TTN: variants seen among roughly 807,000 people sequenced by gnomAD.
The protein encoded by TTN is connectin.
TTN carries 1,525 observed loss-of-function variants against 3,223.0 expected under a neutral mutation model. The ratio of observed to expected loss-of-function variants is 0.47; its 90% CI spans 0.45 to 0.49. The LOEUF (loss-of-function observed/expected upper bound fraction) is 0.49, where lower values mean the gene tolerates loss of function less well. Among genes scored for constraint, TTN ranks in the 20% least tolerant of loss-of-function variants. The probability of loss-of-function intolerance (pLI) is 0.00; values close to 1 mark genes in which losing one functional copy is unlikely to be tolerated. For synonymous variants in TTN, 14,094 were observed against 15,161.0 expected, an observed-to-expected ratio of 0.93 and a Z score of 5.17; for missense variants, 40,786 against 43,424.0, an observed-to-expected ratio of 0.94 and a Z score of 5.40.
chr2:178,712,676 T>A, intron 94 of TTN, 21 bp downstream of exon 94: 2 of 1,609,434 alleles, frequency 1.2e-6, no homozygotes, highest in Non-Finnish European at 1.7e-6. Flanking sequence ...CGTATAAATC[T>A]AGAAGAGCAG....
rs1022888695 is a variant in TTN, at chr2:178,672,241, A to T, written c.34957T>A (p.Ser11653Thr). Reference protein sequence around the residue: ...KGRTVLEEKVSVAFRQEVVVK... With the variant: ...KGRTVLEEKVTVAFRQEVVVK... Reference sequence around the variant, plus strand: ...ACTACTTCTTGGCGGAAGGCAACTGATACTTTTTCTTCAAGGACAGTTCTC... The same window carrying T: ...ACTACTTCTTGGCGGAAGGCAACTGTTACTTTTTCTTCAAGGACAGTTCTC... Residue 11653 changes from serine (S) to threonine (T), a missense_variant, in exon 155 of 363, where the codon TCA becomes ACA. Coordinates refer to ENST00000589042, the MANE Select transcript of TTN (RefSeq NM_001267550.2). 1 of 1,571,596 alleles carries T rather than the reference A, an allele frequency of 6.4e-7. No individual in the cohort carries two copies. The highest frequency in any genetic ancestry group is 1.4e-5 in the African/African-American group (1 of 73,216).
rs1708692289 is a variant in TTN, at chr2:178,572,758, A to G, written c.73374T>C (p.Pro24458=). The G allele has an allele frequency of 6.2e-7, 1 of 1,613,356 alleles. No homozygotes were observed. Among genetic ancestry groups the G allele is most frequent in the Admixed American group, 1.7e-5 (1 of 59,978 alleles). The part of the protein sequence containing the change: ...LFVPIKGRPA[P]EVKWARDHGE... ...CATGGTCCCGGGCCCACTTCACCTC[A>G]GGTGCAGGCCTTCCTTTGATGGGAA... The change falls in exon 326 of 363, where the codon CCT becomes CCC. Residue 24458 remains proline, a synonymous_variant. Coordinates refer to ENST00000589042, the MANE Select transcript of TTN (RefSeq NM_001267550.2).
In TTN at chr2:178,714,139, T is replaced by G. The variant is rs2077106214; in HGVS notation, c.26519A>C (p.Lys8840Thr). 6.2e-7 allele frequency: 1 copy of G among 1,613,132 alleles called. No homozygotes were observed. The highest frequency in any genetic ancestry group is 1.3e-5 in the African/African-American group (1 of 74,870). Residue 8840 changes from lysine (K) to threonine (T), a missense_variant, in exon 92 of 363, where the codon AAA becomes ACA. By Grantham distance (78) the Lys-to-Thr change is moderately conservative (BLOSUM62 -1). Coordinates refer to ENST00000589042, the MANE Select transcript of TTN (RefSeq NM_001267550.2). ...GGTACAGGTGTCTCCCGTGGTAACTTTTATGGATTCTGGCTTTTCTACAAT... is the reference window on the plus strand; with the variant it reads ...GGTACAGGTGTCTCCCGTGGTAACTGTTATGGATTCTGGCTTTTCTACAAT... ...ATIVEKPESI[K>T]VTTGDTCTLE...
In TTN at chr2:178,616,729, C is replaced by A; in HGVS notation, c.48160G>T (p.Ala16054Ser). The A allele has an allele frequency of 6.2e-7, 1 of 1,612,292 alleles. No individual in the cohort carries two copies. Among genetic ancestry groups the A allele is most frequent in the Non-Finnish European group, 8.5e-7 (1 of 1,179,078 alleles). The change falls in exon 256 of 363, where the codon GCT becomes TCT. Residue 16054 changes from alanine to serine, a missense_variant and splice_region_variant. Transcript: ENST00000589042. ...ISGEIDVNVI[A>S]RPSAPKELKF... The stretch of plus-strand genomic sequence containing the variant: ...AGATGATAAATGTTTTGTTCCTTAC[C>A]AATTACATTGACATCAATTTCCCCA...
In TTN at chr2:178,561,281, A is replaced by G. The variant is rs1462392007; in HGVS notation, c.84851T>C (p.Ile28284Thr). ...TCTGCGTTCAACAATGTATCCTGTG[A>G]TCTTAGCTCCACCATCATAATGTGG... ...SKPHYDGGAK[I>T]TGYIVERREL... The change falls in exon 326 of 363, where the codon ATC (isoleucine) becomes ACC (threonine). Residue 28284 changes from isoleucine to threonine, a missense_variant. Ile to Thr is a moderately conservative substitution (Grantham distance 89). Coordinates refer to ENST00000589042, the MANE Select transcript of TTN (RefSeq NM_001267550.2). The G allele has an allele frequency of 6.2e-7, 1 of 1,613,756 alleles. No homozygotes were observed. The highest frequency in any genetic ancestry group is 1.3e-5 in the African/African-American group (1 of 75,008).
At chr2:178,736,121 A>C (rs776013874) in intron 49 of TTN, 47 bp from the exon 50 acceptor site, 1 of 1,478,510 alleles carries the variant, frequency 6.8e-7, no homozygotes, top group East Asian at 2.3e-5. Context: ...CCACCAAAGC[A>C]CTTGCTGTAA....
Position 178,683,246 on chromosome 2 carries a change from A to G in TTN, c.32852T>C (p.Ile10951Thr), listed in dbSNP as rs1456412833. The stretch of plus-strand genomic sequence containing the variant: ...TTGAGGTTCTCTTTTTGGAGCTTCA[A>G]TTGATACTTTTTCTTCTTTAACCAC... ...KRVVKEEKVS[I>T]EAPKREPQPI... The change falls in exon 134 of 363, where the codon ATT becomes ACT. Residue 10951 changes from isoleucine (I) to threonine (T), a missense_variant. By Grantham distance (89) the Ile-to-Thr change is moderately conservative. Coordinates refer to ENST00000589042, the MANE Select transcript of TTN (RefSeq NM_001267550.2). 21 of 1,552,616 alleles carry G rather than the reference A, an allele frequency of 1.4e-5. No individual in the cohort carries two copies. Among genetic ancestry groups the G allele is most frequent in the Non-Finnish European group, 1.8e-5 (21 of 1,146,154 alleles).
chr2:178,636,072 C>G lies in TTN; in HGVS notation c.41499G>C (p.Leu13833Phe), dbSNP rs1288508073. 2 of 1,613,150 alleles carry G rather than the reference C, an allele frequency of 1.2e-6. No homozygotes were observed. The highest frequency in any genetic ancestry group is 1.7e-6 in the Non-Finnish European group (2 of 1,179,530). The part of the protein sequence containing the change: ...PGRIVPGVIG[L>F]MRALTINDAD... ...CATCGTTGATGGTCAGAGCCCGCAT[C>G]AAGCCAATGACGCCTGGCACAATTC... The change falls in exon 226 of 363, where the codon TTG (leucine) becomes TTC (phenylalanine). Residue 13833 changes from leucine (L) to phenylalanine (F), a missense_variant. Physicochemically the swap from Leu to Phe is conservative, Grantham distance 22 (BLOSUM62 0). Transcript: ENST00000589042. This position sits in a 1 kb window ranked among gnomAD's most constrained non-coding sequence, Gnocchi z 4.3.
At chr2:178,604,577 C>T (rs1399432890) in intron 281 of TTN, 131 bp downstream of exon 281, 2 of 1,056,696 alleles carry the variant, frequency 1.9e-6, no homozygotes, top group East Asian at 2.6e-5. Context: ...CTAAACACTA[C>T]AATAACAAAA....
chr2:178,756,430 A>G lies in TTN; in HGVS notation c.11046T>C (p.Val3682=), dbSNP rs188269667. 11 of 1,613,828 alleles carry G rather than the reference A, an allele frequency of 6.8e-6. No individual in the cohort carries two copies. The highest frequency in any genetic ancestry group is 7.6e-6 in the Non-Finnish European group (9 of 1,179,812). The change falls in exon 46 of 363, where the codon GTT becomes GTC. Residue 3682 remains valine (V), a synonymous_variant. Coordinates refer to ENST00000589042, the MANE Select transcript of TTN (RefSeq NM_001267550.2). ...CATCAATGAAAGAATCATCTTTTAA[A>G]ACACAGAGGAATTGAGCCGTGTCAC... ...KCGDTAQFLC[V]LKDDSFIDVT...
At position 178,739,165 on chromosome 2, in the gene TTN, C is replaced by G; in HGVS notation, c.14068G>C (p.Ala4690Pro). 1 of 1,514,186 alleles carries G rather than the reference C, an allele frequency of 6.6e-7. No individual in the cohort carries two copies. Among genetic ancestry groups the G allele is most frequent in the Non-Finnish European group, 8.8e-7 (1 of 1,132,930 alleles). The allele number at this position is 1,514,186 out of a possible 1,614,324, so 93.8% of individuals were successfully genotyped here. The change falls in exon 48 of 363, where the codon GCC becomes CCC. Residue 4690 changes from alanine to proline, a missense_variant. Physicochemically the swap from Ala to Pro is conservative, Grantham distance 27. Transcript: ENST00000589042. The stretch of plus-strand genomic sequence containing the variant: ...CCTCTTTTTACTACAGTGAGTTTGG[C>G]TGAAGTTGCTGTTTTTCCGCTGTCA... Reference protein sequence around the residue: ...LNDSGKTATSAKLTVVKRAAP... With the variant: ...LNDSGKTATSPKLTVVKRAAP...
In TTN at chr2:178,698,924, A is replaced by G. The variant is rs2074230272; in HGVS notation, c.30683-10T>C. ...ACAGCCTTTTTGGTAACTAAAAAAA[A>G]AAAAAAAGAAAAAAAAAGAAAAAAT... is the stretch of plus-strand genomic sequence containing the variant. On this transcript the variant is annotated splice_polypyrimidine_tract_variant and intron_variant, in intron 111 of 362. Transcript: ENST00000589042. 1.3e-6 allele frequency: 2 copies of G among 1,494,908 alleles called. No homozygotes were observed. Among genetic ancestry groups the G allele is most frequent in the Non-Finnish European group, 1.8e-6 (2 of 1,130,308 alleles). The allele number at this position is 1,494,908 out of a possible 1,614,324, so 92.6% of individuals were successfully genotyped here. A position where few individuals can be genotyped will look rare whatever the true frequency, so the allele number is the denominator to read the frequency against.
intron 253 of TTN, 128 bp from the exon 254 acceptor site, chr2:178,617,640 C>T: frequency 7.2e-7 from 1 of 1,395,344 alleles, no homozygotes. Context: ...TAGGCACAGT[C>T]TGGGTTTCTA....
chr2:178,789,282 A>G (rs2093365617), intron 13 of TTN, 78 bp downstream of exon 13: 3 of 1,575,604 alleles, frequency 1.9e-6, no homozygotes, highest in Non-Finnish European at 2.6e-6. Context: ...TTAATGTATT[A>G]CAATAAGGAA....
intron 127 of TTN, among the ~76,000 whole-genome samples, 172 bp from the exon 128 acceptor site, chr2:178,685,770 G>A (rs2070696374): frequency 6.6e-6 from 1 of 152,096 alleles, no homozygotes. Context: ...AAGCACATGC[G>A]TTAATGAAGA....
Position 178,579,021 on chromosome 2 carries a change from TC to T in TTN, c.68008del (p.Asp22670MetfsTer12). The T allele has an allele frequency of 6.2e-7, 1 of 1,613,242 alleles. No homozygotes were observed. The highest frequency in any genetic ancestry group is 1.1e-5 in the South Asian group (1 of 91,068). ...AMTLKWAPPK[D>X]DGGSEITNYI... ...GTTGGTGATTTCAGAACCTCCATCA[TC>T]CTTTGGAGGAGCCCACTTTAAGGTC... is the stretch of plus-strand genomic sequence containing the variant. On this transcript the variant is annotated frameshift_variant, in exon 320 of 363. Coordinates refer to ENST00000589042, the MANE Select transcript of TTN (RefSeq NM_001267550.2). LOFTEE classifies it high-confidence loss of function.
At position 178,789,965 on chromosome 2, in the gene TTN, T is replaced by C. The variant is rs2093403301; in HGVS notation, c.1938+13A>G. The C allele has an allele frequency of 6.2e-7, 1 of 1,612,442 alleles. No individual in the cohort carries two copies. The highest frequency in any genetic ancestry group is 8.5e-7 in the Non-Finnish European group (1 of 1,179,090). ...AAAGATGAACTTTTCACAGCTCAAA[T>C]ATCTGTATTCACCTTCTCCTGAGTT... On this transcript the variant is annotated intron_variant, in intron 12 of 362. Transcript: ENST00000589042.
In TTN at chr2:178,624,574, A is replaced by C; in HGVS notation, c.44706T>G (p.Ala14902=). The change falls in exon 242 of 363, where the codon GCT becomes GCG. Residue 14902 remains alanine, a synonymous_variant. Transcript: ENST00000589042. ...TAACAAGTTTTCTGACCCTGCCATC[A>C]GCAACAATTTCATACTTCTTGCTTT... is the stretch of plus-strand genomic sequence containing the variant. The part of the protein sequence containing the change: ...ILKSKKYEIV[A]DGRVRKLVIH... 6.2e-7 allele frequency: 1 copy of C among 1,612,748 alleles called. No homozygotes were observed. The highest frequency in any genetic ancestry group is 1.1e-5 in the South Asian group (1 of 91,064).
intron 213 of TTN, among the ~76,000 whole-genome samples, 185 bp downstream of exon 213, chr2:178,649,063 A>G (rs954913399): frequency 6.3e-4 from 96 of 152,152 alleles, no homozygotes; most frequent in African/African-American, 2.2e-3. Flanking sequence ...TCACAGCACA[A>G]CTGAATCCCA....
Sources: allele counts gnomAD v4.1 joint callset (sites outside exome capture counted in the v4.1 genomes callset), GRCh38; gene constraint gnomAD v4.1.1; non-coding constraint Gnocchi (gnomAD v3.1); transcripts MANE v1.5; gene names NCBI Gene and HGNC (gene_info 2026-07-23, HGNC 2026-07-21).